TSPAN18: variants seen among roughly 807,000 people sequenced by gnomAD.
TSPAN18 encodes tetraspanin-18.
TSPAN18 carries 14 observed loss-of-function variants against 27.3 expected under a neutral mutation model. That is an observed-to-expected ratio of 0.51 (90% CI 0.34 to 0.80). The LOEUF (loss-of-function observed/expected upper bound fraction) is 0.80, where lower values mean the gene tolerates loss of function less well. Among genes scored for constraint, TSPAN18 ranks in the 30% least tolerant of loss-of-function variants. The pLI, the probability that TSPAN18 is intolerant of heterozygous loss-of-function variation, is 0.01. For missense variants in TSPAN18, 268 were observed against 323.9 expected (o/e 0.83, Z 1.32); for synonymous variants, 143 against 136.5 (o/e 1.05, Z -0.33).
At chr11:44,889,111 G>A (rs923637785) in intron 3 of TSPAN18, among the ~76,000 whole-genome samples, 1 of 152,256 alleles carries the variant, frequency 6.6e-6, no homozygotes, top group African/African-American at 2.4e-5. Flanking sequence ...ATGCCTAACT[G>A]TGAGTCTTTT....
chr11:44,924,117 G>C (rs1860255503), intron 8 of TSPAN18, among the ~76,000 whole-genome samples: 1 of 151,948 alleles, frequency 6.6e-6, no homozygotes, highest in Non-Finnish European at 1.5e-5. Flanking sequence ...GTGTGTGTGT[G>C]TGTGTGTGTG....
At chr11:44,908,769 G>GAAAGAAAGAAAAAGAAAGAAAGAAAGAA (rs1554938043) in intron 4 of TSPAN18, among the ~76,000 whole-genome samples, 1 of 71,618 alleles carries the variant, frequency 1.4e-5, no homozygotes. Context: ...AGAGAGAAAG[G>GAAAGAAAGAAAAAGAAAGAAAGAAAGAA]AGAAAGAAAG....
At chr11:44,785,505 T>C (rs753765527) in intron 2 of TSPAN18, among the ~76,000 whole-genome samples, 39 of 151,894 alleles carry the variant, frequency 2.6e-4, no homozygotes, top group South Asian at 6.2e-4. Context: ...GTTATCCTCA[T>C]GGTACATGCC....
intron 7 of TSPAN18, 31 bp downstream of exon 7, chr11:44,919,343 T>G (rs1487689372): frequency 6.3e-7 from 1 of 1,585,020 alleles, no homozygotes; most frequent in East Asian, 2.2e-5. Flanking sequence ...GCTATGAACA[T>G]TCAGAGCCAC....
chr11:44,748,874 C>A (rs1191050805), intron 1 of TSPAN18, among the ~76,000 whole-genome samples: 1 of 152,204 alleles, frequency 6.6e-6, no homozygotes, highest in Non-Finnish European at 1.5e-5. Context: ...CTCCTCCCAC[C>A]CACTTCCAGG....
intron 2 of TSPAN18, among the ~76,000 whole-genome samples, chr11:44,796,694 C>A (rs1189422718): frequency 1.3e-5 from 2 of 152,254 alleles, no homozygotes; most frequent in South Asian, 4.2e-4. Context: ...CTCAGTCACA[C>A]AGCAACAACC....
chr11:44,738,354 C>A (rs1251281693), intron 1 of TSPAN18, among the ~76,000 whole-genome samples: 1 of 152,206 alleles, frequency 6.6e-6, no homozygotes, highest in Non-Finnish European at 1.5e-5. Flanking sequence ...CTGGAGCCCA[C>A]CTGGCTGGAG....
chr11:44,793,162 C>T lies in TSPAN18; in HGVS notation c.-153+28650C>T, dbSNP rs1257794964. On this transcript the variant is annotated intron_variant, in intron 2 of 9. Transcript: ENST00000520358. The stretch of plus-strand genomic sequence containing the variant: ...AAAGTGATTCTCATGCTTCAGTCTC[C>T]CAAGAAGCTGGGCTGACAGGCGTGT... 2.6e-5 allele frequency among the ~76,000 whole-genome samples: 4 copies of T among 152,182 alleles called. No homozygotes were observed. In the South Asian group the frequency reaches 6.2e-4, roughly 24 times the overall value.
At chr11:44,728,225 C>G (rs1020729935) in intron 1 of TSPAN18, among the ~76,000 whole-genome samples, 2 of 152,168 alleles carry the variant, frequency 1.3e-5, no homozygotes, top group Non-Finnish European at 2.9e-5. Flanking sequence ...GCTGGAAAGG[C>G]TAGGAGTCAG....
chr11:44,845,170 A>T (rs1044161548), intron 2 of TSPAN18, among the ~76,000 whole-genome samples: 3 of 152,236 alleles, frequency 2.0e-5, no homozygotes, highest in East Asian at 3.8e-4. Context: ...AGGGGGACAC[A>T]GTGGAATTTA....
At chr11:44,758,086 T>C (rs561723115) in intron 1 of TSPAN18, among the ~76,000 whole-genome samples, 1 of 152,368 alleles carries the variant, frequency 6.6e-6, no homozygotes, top group Non-Finnish European at 1.5e-5. Context: ...TAATACTGTG[T>C]TGAATAGAAG....
intron 8 of TSPAN18, among the ~76,000 whole-genome samples, chr11:44,922,036 G>A (rs903873051): frequency 5.9e-5 from 9 of 151,806 alleles, no homozygotes; most frequent in African/African-American, 1.9e-4. Context: ...TAGGCATTTC[G>A]TCCCGTTAAA....
chr11:44,900,856 G>C (rs765206735), intron 3 of TSPAN18, among the ~76,000 whole-genome samples: 5 of 151,744 alleles, frequency 3.3e-5, no homozygotes, highest in Non-Finnish European at 7.4e-5. Flanking sequence ...ACCACCCCCA[G>C]CTAATTTTTG....
intron 1 of TSPAN18, among the ~76,000 whole-genome samples, chr11:44,738,029 A>AT (rs1299748695): frequency 4.7e-4 from 70 of 149,092 alleles, no homozygotes; most frequent in African/African-American, 8.1e-4. Context: ...TCTCTGTGTA[A>AT]TTTTTTTTTT....
chr11:44,820,492 G>T (rs138917758), intron 2 of TSPAN18, among the ~76,000 whole-genome samples: 1 of 152,214 alleles, frequency 6.6e-6, no homozygotes, highest in Non-Finnish European at 1.5e-5. Flanking sequence ...GAGGTGCCAC[G>T]TGGCACTTGA....
At chr11:44,854,767 C>T (rs951207850) in intron 2 of TSPAN18, among the ~76,000 whole-genome samples, 2 of 152,174 alleles carry the variant, frequency 1.3e-5, no homozygotes, top group Non-Finnish European at 2.9e-5. Flanking sequence ...TGATCTTGAG[C>T]AAGTCACTCC....
intron 2 of TSPAN18, among the ~76,000 whole-genome samples, chr11:44,787,833 T>C (rs1856094751): frequency 6.6e-6 from 1 of 152,154 alleles, no homozygotes; most frequent in Non-Finnish European, 1.5e-5. Context: ...TCTCTGGAGT[T>C]CTCAGAAGAC....
At chr11:44,842,168 C>T (rs1857387193) in intron 2 of TSPAN18, among the ~76,000 whole-genome samples, 1 of 152,204 alleles carries the variant, frequency 6.6e-6, no homozygotes, top group African/African-American at 2.4e-5. Flanking sequence ...TGGGCACAGC[C>T]TCAGTCTCCT....
chr11:44,796,970 A>G (rs1289176863), intron 2 of TSPAN18, among the ~76,000 whole-genome samples: 1 of 152,158 alleles, frequency 6.6e-6, no homozygotes, highest in Non-Finnish European at 1.5e-5. Flanking sequence ...GGTTCTGAGA[A>G]CATTGTCCTG....
Sources: allele counts gnomAD v4.1 joint callset (sites outside exome capture counted in the v4.1 genomes callset), GRCh38; gene constraint gnomAD v4.1.1; transcripts MANE v1.5; gene names NCBI Gene and HGNC (gene_info 2026-07-23, HGNC 2026-07-21).